POGLUT1: variants seen among roughly 807,000 people sequenced by gnomAD.
The protein encoded by POGLUT1 is 9630046K23Rik.
In POGLUT1, 32 loss-of-function variants were observed where a neutral mutation model predicts 61.3. The ratio of observed to expected loss-of-function variants is 0.52; its 90% CI spans 0.39 to 0.70. The LOEUF (loss-of-function observed/expected upper bound fraction) is 0.70. POGLUT1 is among the 30% of genes least tolerant of loss of function. The pLI is 0.00. For missense variants in POGLUT1, 411 were observed against 469.8 expected (o/e 0.87, Z 1.16); for synonymous variants, 158 against 158.2 (o/e 1.00, Z 0.01).
intron 5 of POGLUT1, among the ~76,000 whole-genome samples, chr3:119,481,602 A>G (rs1156707544): frequency 6.6e-6 from 1 of 152,238 alleles, no homozygotes; most frequent in Non-Finnish European, 1.5e-5. Flanking sequence ...GTTAAAAAAC[A>G]AACTTCTCTA....
intron 5 of POGLUT1, among the ~76,000 whole-genome samples, chr3:119,481,176 G>T (rs1229731557): frequency 1.1e-4 from 16 of 152,210 alleles, no homozygotes; most frequent in Admixed American, 9.8e-4. Flanking sequence ...GCAATTGAGA[G>T]CTAAGTAGTT....
intron 9 of POGLUT1, among the ~76,000 whole-genome samples, chr3:119,490,921 C>T (rs756828267): frequency 6.6e-6 from 1 of 151,922 alleles, no homozygotes; most frequent in Non-Finnish European, 1.5e-5. Flanking sequence ...TTTGAAAAAG[C>T]GCTTTAATAC....
intron 2 of POGLUT1, among the ~76,000 whole-genome samples, chr3:119,470,565 G>A (rs1003897431): frequency 6.6e-6 from 1 of 152,178 alleles, no homozygotes; most frequent in Non-Finnish European, 1.5e-5. Context: ...GACAGAGTGA[G>A]ACTCCGTCTC....
At chr3:119,480,423 T>C (rs2107711065) in intron 5 of POGLUT1, among the ~76,000 whole-genome samples, 1 of 151,894 alleles carries the variant, frequency 6.6e-6, no homozygotes, top group South Asian at 2.1e-4. Context: ...TAATTTCGTA[T>C]TTTTAGTAGA....
At chr3:119,469,139 G>A (rs772931474) in intron 1 of POGLUT1, 33 bp downstream of exon 1, 2 of 1,523,896 alleles carry the variant, frequency 1.3e-6, no homozygotes, top group South Asian at 1.2e-5. Context: ...CCTGCCCCTT[G>A]GGCTCGGGGT....
At chr3:119,476,906 C>A (rs913919358) in intron 3 of POGLUT1, among the ~76,000 whole-genome samples, 2 of 152,132 alleles carry the variant, frequency 1.3e-5, no homozygotes, top group African/African-American at 4.8e-5. Context: ...TTGTGAGGAG[C>A]AAAGCCAAAG....
At chr3:119,478,546 A>G (rs984342438) in intron 4 of POGLUT1, 2 of 377,412 alleles carry the variant, frequency 5.3e-6, no homozygotes, top group South Asian at 2.0e-5. Context: ...GACCGTCGGT[A>G]TACTAACTTT....
At position 119,492,601 on chromosome 3, in the gene POGLUT1, T is replaced by C. The variant is rs1304481135; in HGVS notation, c.*163T>C. On this transcript the variant is annotated 3_prime_UTR_variant, in exon 11 of 11. Transcript: ENST00000295588. ...CACCCAGAGCAACTCTTGAGAAAGA[T>C]TTAAAATGTGTCTAATACACTGATA... 4.7e-6 allele frequency: 2 copies of C among 429,236 alleles called. No homozygotes were observed. The highest frequency in any genetic ancestry group is 8.3e-6 in the Non-Finnish European group (2 of 240,568). The allele number at this position is 429,236 out of a possible 1,614,324, so 26.6% of individuals were successfully genotyped here. A position where few individuals can be genotyped will look rare whatever the true frequency, so the allele number is the denominator to read the frequency against.
chr3:119,492,046 C>T (rs1577089636), intron 10 of POGLUT1, among the ~76,000 whole-genome samples: 1 of 145,078 alleles, frequency 6.9e-6, no homozygotes, highest in East Asian at 2.0e-4. Context: ...AAGAGCGAAA[C>T]TCCGTCTCAA....
At chr3:119,477,934 G>A (rs6799691) in intron 4 of POGLUT1, among the ~76,000 whole-genome samples, 90,207 of 152,048 alleles carry the variant, frequency 0.59, 27,299 homozygotes, top group East Asian at 0.72. Flanking sequence ...AACTCCACAC[G>A]GTGTGTGTAC....
chr3:119,471,369 G>C lies in POGLUT1; in HGVS notation c.237G>C (p.Glu79Asp). 4 of 1,613,874 alleles carry C rather than the reference G, an allele frequency of 2.5e-6. No homozygotes were observed. The highest frequency in any genetic ancestry group is 2.2e-5 in the South Asian group (2 of 91,076). Residue 79 changes from glutamate to aspartate, a missense_variant, in exon 3 of 11, where the codon GAG becomes GAC. Physicochemically the swap from Glu to Asp is conservative, Grantham distance 45. Transcript: ENST00000295588. ...RGGISRKMMA[E>D]VVRRKLGTHY... The stretch of plus-strand genomic sequence containing the variant: ...GCATCTCCAGGAAGATGATGGCAGA[G>C]GTAGTCAGACGGAAGCTAGGGACCC...
chr3:119,478,456 A>T (rs564053089), intron 4 of POGLUT1: 65 of 456,528 alleles, frequency 1.4e-4, no homozygotes, highest in African/African-American at 9.8e-4. Flanking sequence ...CACTCAGAAG[A>T]ACAGATAGAG....
At chr3:119,490,292 T>C (rs2081725841) in intron 8 of POGLUT1, 3 of 450,910 alleles carry the variant, frequency 6.7e-6, no homozygotes, top group Non-Finnish European at 1.2e-5. Context: ...CTCCTGACCC[T>C]ATCTAGTGCT....
Position 119,486,845 on chromosome 3 carries a change from A to T in POGLUT1, c.651A>T (p.Glu217Asp). Residue 217 changes from glutamate (E) to aspartate (D), a missense_variant, in exon 7 of 11, where the codon GAA becomes GAT. Physicochemically the swap from Glu to Asp is conservative, Grantham distance 45. Coordinates refer to ENST00000295588, the MANE Select transcript of POGLUT1 (RefSeq NM_152305.3). The part of the protein sequence containing the change: ...AYFRGSRTSP[E>D]RDPLILLSRK... Reference sequence around the variant, plus strand: ...GTTTCTTTTATAGGACAAGTCCAGAACGAGATCCTCTCATTCTTCTGTCTC... The same window carrying T: ...GTTTCTTTTATAGGACAAGTCCAGATCGAGATCCTCTCATTCTTCTGTCTC... 6.2e-7 allele frequency: 1 copy of T among 1,611,846 alleles called. No homozygotes were observed. Among genetic ancestry groups the T allele is most frequent in the East Asian group, 2.2e-5 (1 of 44,870 alleles).
intron 4 of POGLUT1, chr3:119,479,809 G>C (rs1217500724): frequency 3.7e-6 from 3 of 819,058 alleles, no homozygotes; most frequent in African/African-American, 1.8e-5. Context: ...GAATTTGGGG[G>C]AACTGAAAAA....
rs1321630692 is a variant in POGLUT1, at chr3:119,477,580, GTCTCTA to G, written c.456+134_456+139del. 5 of 785,868 alleles carry G rather than the reference GTCTCTA, an allele frequency of 6.4e-6. No individual in the cohort carries two copies. The African/African-American group carries it at 8.6e-5, about 14-fold the overall frequency. 48.7% of individuals were successfully genotyped at this position (785,868 alleles called of 1,614,324 possible). A position where few individuals can be genotyped will look rare whatever the true frequency, so the allele number is the denominator to read the frequency against. On this transcript the variant is annotated intron_variant, in intron 4 of 10. Transcript: ENST00000295588. The stretch of plus-strand genomic sequence containing the variant: ...GACTGAGGTCCAGAAATGGGTCTGT[GTCTCTA>G]TTAGCATCACAGTGATTGAGCAAAA...
intron 8 of POGLUT1, chr3:119,490,346 C>T: frequency 1.8e-6 from 1 of 565,514 alleles, no homozygotes; most frequent in Non-Finnish European, 3.2e-6. Context: ...CTGCCATTCC[C>T]AGAACAACCT....
chr3:119,485,041 C>T (rs1373260078), intron 5 of POGLUT1, among the ~76,000 whole-genome samples: 1 of 152,028 alleles, frequency 6.6e-6, no homozygotes, highest in African/African-American at 2.4e-5. Flanking sequence ...ACGGTGAAAC[C>T]CTGTCTCTAC....
In POGLUT1 at chr3:119,474,422, G is replaced by A. The variant is rs189600719; in HGVS notation, c.321-2891G>A. Among the ~76,000 whole-genome samples the A allele has an allele frequency of 2.5e-3, 383 of 152,034 alleles. 1 individual carries two copies. Among genetic ancestry groups the A allele is most frequent in the African/African-American group, 8.4e-3 (347 of 41,444 alleles). ...CCTCTTTGCATTCCCTCTCTCCTGC[G>A]TCTCCCTGTCTCCCTCTCCTCCCCA... On this transcript the variant is annotated intron_variant, in intron 3 of 10. Coordinates refer to ENST00000295588, the MANE Select transcript of POGLUT1 (RefSeq NM_152305.3).
Sources: allele counts gnomAD v4.1 joint callset (sites outside exome capture counted in the v4.1 genomes callset), GRCh38; gene constraint gnomAD v4.1.1; transcripts MANE v1.5; gene names NCBI Gene and HGNC (gene_info 2026-07-23, HGNC 2026-07-21).